CSNK1G1: variants seen among roughly 807,000 people sequenced by gnomAD.
CSNK1G1 encodes casein kinase I isoform gamma-1.
Under a neutral mutation model 59.6 loss-of-function variants are expected in CSNK1G1, and 22 were observed. That is an observed-to-expected ratio of 0.37 (90% confidence interval 0.26 to 0.53). The LOEUF (loss-of-function observed/expected upper bound fraction) is 0.53, where lower values mean the gene tolerates loss of function less well. Among genes scored for constraint, CSNK1G1 ranks in the 20% least tolerant of loss-of-function variants. The probability of loss-of-function intolerance (pLI) is 0.89; values close to 1 mark genes in which losing one functional copy is unlikely to be tolerated. For synonymous variants in CSNK1G1, 179 were observed against 177.1 expected (o/e 1.01, Z -0.08); for missense variants, 384 against 519.5 (o/e 0.74, Z 2.54).
At chr15:64,237,863 G>A (rs2082636521) in intron 4 of CSNK1G1, among the ~76,000 whole-genome samples, 1 of 152,248 alleles carries the variant, frequency 6.6e-6, no homozygotes, top group East Asian at 1.9e-4. Context: ...AAGCGACTTC[G>A]AAATTGCAAA....
At chr15:64,209,559 A>G (rs1337519865) in intron 6 of CSNK1G1, among the ~76,000 whole-genome samples, 1 of 152,242 alleles carries the variant, frequency 6.6e-6, no homozygotes, top group East Asian at 1.9e-4. Context: ...GTATACAACA[A>G]TTGAAACAAT....
At chr15:64,232,312 T>C (rs1359583686) in intron 4 of CSNK1G1, among the ~76,000 whole-genome samples, 1 of 152,190 alleles carries the variant, frequency 6.6e-6, no homozygotes, top group Non-Finnish European at 1.5e-5. Context: ...ACAAATAACT[T>C]ATATTCTCAA....
intron 10 of CSNK1G1, chr15:64,181,073 TTCC>T: frequency 8.0e-7 from 1 of 1,246,578 alleles, no homozygotes; most frequent in Non-Finnish European, 1.1e-6. Flanking sequence ...CTTCAGAAAT[TTCC>T]TCATGGCTTT....
At chr15:64,313,804 AC>A (rs1446848472) in intron 1 of CSNK1G1, among the ~76,000 whole-genome samples, 4 of 150,812 alleles carry the variant, frequency 2.7e-5, no homozygotes, top group African/African-American at 9.8e-5. Flanking sequence ...AAAAAAAAAA[AC>A]CCCAAAAACC....
At chr15:64,274,816 G>A (rs1189303458) in intron 2 of CSNK1G1, among the ~76,000 whole-genome samples, 1 of 152,042 alleles carries the variant, frequency 6.6e-6, no homozygotes, top group African/African-American at 2.4e-5. Flanking sequence ...ACTGATAAAG[G>A]AACATACAGT....
chr15:64,265,875 G>A (rs1268977108), intron 2 of CSNK1G1: 6 of 454,440 alleles, frequency 1.3e-5, no homozygotes, highest in Non-Finnish European at 2.2e-5. Flanking sequence ...TTTCAGGCCA[G>A]GAGTTTGAGA....
At chr15:64,280,974 G>T (rs746152736) in intron 2 of CSNK1G1, among the ~76,000 whole-genome samples, 19 of 151,988 alleles carry the variant, frequency 1.3e-4, no homozygotes, top group Non-Finnish European at 2.4e-4. Flanking sequence ...CCGCCTCCTG[G>T]GTTCACGCCA....
At chr15:64,203,613 C>T (rs554480562) in intron 9 of CSNK1G1, among the ~76,000 whole-genome samples, 5 of 148,024 alleles carry the variant, frequency 3.4e-5, no homozygotes, top group African/African-American at 1.3e-4. Flanking sequence ...AGGAGAATCG[C>T]TTGAACCTGG....
chr15:64,277,824 T>TCGAA (rs1893797655), intron 2 of CSNK1G1, among the ~76,000 whole-genome samples: 1 of 134,642 alleles, frequency 7.4e-6, no homozygotes, highest in African/African-American at 2.8e-5. Flanking sequence ...ATTGATATAT[T>TCGAA]TAATAATAAT....
intron 3 of CSNK1G1, 162 bp downstream of exon 3, chr15:64,259,039 T>C (rs567471602): frequency 8.6e-5 from 50 of 578,956 alleles, no homozygotes; most frequent in Admixed American, 5.4e-4. Flanking sequence ...CAGTGATTCA[T>C]CACTGTTAAC....
Position 64,285,501 on chromosome 15 carries a change from T to C in CSNK1G1, c.181+14818A>G, listed in dbSNP as rs533275798. Among the ~76,000 whole-genome samples, 5 of 152,272 alleles carry C rather than the reference T, an allele frequency of 3.3e-5. No homozygotes were observed. The South Asian group carries it at 1.0e-3, about 32-fold the overall frequency. On this transcript the variant is annotated intron_variant, in intron 2 of 11. Coordinates refer to ENST00000303052, the MANE Select transcript of CSNK1G1 (RefSeq NM_022048.5). ...GGTTAATCTATTTGCTGAAGTACTT[T>C]ATAAAATAAAGAAGACTAACAAGTA...
At chr15:64,326,020 A>T (rs1896817584) in intron 1 of CSNK1G1, among the ~76,000 whole-genome samples, 1 of 152,180 alleles carries the variant, frequency 6.6e-6, no homozygotes, top group African/African-American at 2.4e-5. Context: ...TTAAGCCATG[A>T]ACTACAAAAA....
At chr15:64,181,699 G>A in intron 10 of CSNK1G1, 1 of 351,972 alleles carries the variant, frequency 2.8e-6, no homozygotes, top group East Asian at 5.7e-5. Context: ...CTATGCCTAA[G>A]CTTCCTAATC....
intron 1 of CSNK1G1, among the ~76,000 whole-genome samples, chr15:64,327,362 G>C (rs1374811224): frequency 2.0e-5 from 3 of 150,668 alleles, no homozygotes; most frequent in Non-Finnish European, 3.0e-5. Context: ...GTGGGTCCCT[G>C]ACCCCTGACC....
intron 1 of CSNK1G1, among the ~76,000 whole-genome samples, chr15:64,332,762 A>C (rs1434994828): frequency 6.6e-6 from 1 of 151,994 alleles, no homozygotes; most frequent in Non-Finnish European, 1.5e-5. Context: ...GTTGAAAAAT[A>C]ATTTAAAATT....
At chr15:64,294,843 C>A (rs140028832) in intron 2 of CSNK1G1, among the ~76,000 whole-genome samples, 1 of 133,490 alleles carries the variant, frequency 7.5e-6, no homozygotes, top group Non-Finnish European at 1.5e-5. Context: ...ACTCAGGAGG[C>A]GGAGGTTGCA....
chr15:64,189,283 T>C, intron 10 of CSNK1G1: 1 of 997,432 alleles, frequency 1.0e-6, no homozygotes, highest in Non-Finnish European at 1.2e-6. Flanking sequence ...GACCTTCAAC[T>C]AAAAACCTCT....
At chr15:64,340,994 T>TAGTAGAGCCGGGGTTTCACTACA (rs1596298675) in intron 1 of CSNK1G1, among the ~76,000 whole-genome samples, 5 of 23,748 alleles carry the variant, frequency 2.1e-4, no homozygotes, top group African/African-American at 4.7e-4. Context: ...TTTATCTTTT[T>TAGTAGAGCCGGGGTTTCACTACA]TTTTTTTTTT....
chr15:64,255,477 T>C (rs1596167870), intron 3 of CSNK1G1, among the ~76,000 whole-genome samples: 1 of 152,188 alleles, frequency 6.6e-6, no homozygotes, highest in African/African-American at 2.4e-5. Flanking sequence ...GGAACACTTT[T>C]ATATTATACT....
Sources: allele counts gnomAD v4.1 joint callset (sites outside exome capture counted in the v4.1 genomes callset), GRCh38; gene constraint gnomAD v4.1.1; transcripts MANE v1.5; gene names NCBI Gene and HGNC (gene_info 2026-07-23, HGNC 2026-07-21).